GLIS3: variants seen among roughly 807,000 people sequenced by gnomAD.
The protein encoded by GLIS3 is GLIS family zinc finger 3.
A neutral mutation model predicts 78.6 loss-of-function variants in GLIS3; 53 were observed. That is an observed-to-expected ratio of 0.67 (90% CI 0.54 to 0.85). GLIS3 has a LOEUF of 0.85. GLIS3 is among the 40% of genes least tolerant of loss of function. The pLI, the probability that GLIS3 is intolerant of heterozygous loss-of-function variation, is 0.00. For missense variants in GLIS3, 1,703 were observed against 1,231.1 expected (o/e 1.38, Z -5.74); for synonymous variants, 684 against 509.9 (o/e 1.34, Z -4.60).
intron 4 of GLIS3, among the ~76,000 whole-genome samples, chr9:4,038,982 C>T (rs1824564467): frequency 6.6e-6 from 1 of 152,280 alleles, no homozygotes; most frequent in Non-Finnish European, 1.5e-5. Context: ...CACTATGAAC[C>T]GTTGGGTAAA....
intron 2 of GLIS3, among the ~76,000 whole-genome samples, chr9:4,186,086 G>C (rs867887374): frequency 6.6e-6 from 1 of 151,594 alleles, no homozygotes. Flanking sequence ...TGCCATGCTG[G>C]TGTGCTGCAC....
chr9:3,858,136 C>T (rs984696545), intron 8 of GLIS3, among the ~76,000 whole-genome samples: 5 of 152,200 alleles, frequency 3.3e-5, no homozygotes, highest in African/African-American at 1.2e-4. Flanking sequence ...ATCGGCTCCC[C>T]AATTCTGTTT....
intron 2 of GLIS3, among the ~76,000 whole-genome samples, chr9:4,193,784 C>G (rs1432438698): frequency 6.6e-6 from 1 of 152,208 alleles, no homozygotes; most frequent in Non-Finnish European, 1.5e-5. Flanking sequence ...AATACGTTGA[C>G]TAAAACTGCA....
intron 2 of GLIS3, among the ~76,000 whole-genome samples, chr9:4,177,389 G>A (rs1007806770): frequency 2.6e-5 from 4 of 152,042 alleles, no homozygotes; most frequent in Admixed American, 2.6e-4. Context: ...AGAACACTTG[G>A]GGCTAATCAC....
chr9:4,395,203 T>G, the GLIS3 span, among the ~76,000 whole-genome samples: 1 of 152,222 alleles, frequency 6.6e-6, no homozygotes, highest in African/African-American at 2.4e-5. Context: ...TTCAGCATAT[T>G]AAACTCCAGT....
At chr9:4,093,226 A>T (rs955942036) in intron 4 of GLIS3, among the ~76,000 whole-genome samples, 2 of 152,004 alleles carry the variant, frequency 1.3e-5, no homozygotes, top group Non-Finnish European at 2.9e-5. Context: ...CTGGCTCCAG[A>T]GTCCACGCTC....
intron 2 of GLIS3, among the ~76,000 whole-genome samples, chr9:4,329,393 G>T (rs1191906956): frequency 6.6e-6 from 1 of 151,712 alleles, no homozygotes; most frequent in Non-Finnish European, 1.5e-5. Context: ...TACAAATATT[G>T]ACAACTGAAA....
At chr9:3,844,678 G>A (rs1011364615) in intron 9 of GLIS3, among the ~76,000 whole-genome samples, 1 of 152,152 alleles carries the variant, frequency 6.6e-6, no homozygotes, top group African/African-American at 2.4e-5. Context: ...AAAACAAACT[G>A]TCTTGCTGCA....
the GLIS3 span, among the ~76,000 whole-genome samples, chr9:4,370,013 G>T: frequency 2.0e-5 from 3 of 151,902 alleles, no homozygotes; most frequent in African/African-American, 7.3e-5. Flanking sequence ...CCAAAATGGT[G>T]AAACTCCGTC....
chr9:4,438,665 T>C, the GLIS3 span, among the ~76,000 whole-genome samples: 1 of 152,198 alleles, frequency 6.6e-6, no homozygotes, highest in Non-Finnish European at 1.5e-5. Flanking sequence ...GTGAAGATAA[T>C]TGAGTCATGC....
chr9:4,446,250 G>T, the GLIS3 span, among the ~76,000 whole-genome samples: 220 of 152,256 alleles, frequency 1.4e-3, no homozygotes, highest in African/African-American at 5.0e-3. Context: ...TAATGAATGG[G>T]ATTATTTCCC....
chr9:4,161,254 C>G (rs1249437669), intron 2 of GLIS3, among the ~76,000 whole-genome samples: 2 of 151,844 alleles, frequency 1.3e-5, no homozygotes, highest in Non-Finnish European at 2.9e-5. Context: ...GCCTGGGAGA[C>G]AAAGCGAGAC....
intron 6 of GLIS3, among the ~76,000 whole-genome samples, chr9:3,912,497 G>C (rs1824221291): frequency 6.6e-6 from 1 of 152,188 alleles, no homozygotes; most frequent in African/African-American, 2.4e-5. Flanking sequence ...ACCAAAATCT[G>C]TCCCACTATC....
intron 2 of GLIS3, among the ~76,000 whole-genome samples, chr9:4,169,882 T>C (rs1164627582): frequency 2.0e-5 from 3 of 152,168 alleles, no homozygotes; most frequent in African/African-American, 7.2e-5. Context: ...ACTTAAAATA[T>C]AATAAAGGAT....
At chr9:4,029,961 A>G (rs1044924801) in intron 4 of GLIS3, among the ~76,000 whole-genome samples, 1 of 152,194 alleles carries the variant, frequency 6.6e-6, no homozygotes, top group Non-Finnish European at 1.5e-5. Context: ...TATATCCAGC[A>G]GTGGGATTGA....
At position 3,980,837 on chromosome 9, in the gene GLIS3, T is replaced by C. The variant is rs529623445; in HGVS notation, c.1711-43648A>G. ...TTTTCTTCTTCTTCTTCTTCTTTTT[T>C]TCTGCTTGCTTCCCTACTTCCAGCT... is the stretch of plus-strand genomic sequence containing the variant. On this transcript the variant is annotated intron_variant, in intron 4 of 10. Coordinates refer to ENST00000381971, the MANE Select transcript of GLIS3 (RefSeq NM_001042413.2). Among the ~76,000 whole-genome samples, 5 of 152,338 alleles carry C rather than the reference T, an allele frequency of 3.3e-5. No homozygotes were observed. In the South Asian group the frequency reaches 1.0e-3, roughly 32 times the overall value.
At chr9:4,457,183 T>G in the GLIS3 span, among the ~76,000 whole-genome samples, 3 of 151,916 alleles carry the variant, frequency 2.0e-5, no homozygotes, top group African/African-American at 7.3e-5. Context: ...GGCAATATAG[T>G]GAGACCCTGT....
chr9:3,896,486 G>A (rs1172925640), intron 7 of GLIS3, among the ~76,000 whole-genome samples: 2 of 151,682 alleles, frequency 1.3e-5, no homozygotes, highest in Middle Eastern at 3.4e-3. Flanking sequence ...CCAACATGGT[G>A]AAATCCAGTC....
chr9:4,298,225 G>T (rs1246700647), intron 1 of GLIS3, among the ~76,000 whole-genome samples: 3 of 152,164 alleles, frequency 2.0e-5, no homozygotes, highest in South Asian at 2.1e-4. Flanking sequence ...GCCACGGCCG[G>T]GCTCGCAGTC....
Sources: gnomAD v4.1 joint callset for allele counts (sites outside exome capture counted in the v4.1 genomes callset) on GRCh38, gnomAD v4.1.1 for gene constraint, MANE v1.5 for transcripts, NCBI Gene and HGNC (gene_info 2026-07-23, HGNC 2026-07-21) for gene names.